The following NKAIN2 variants were observed in gnomAD, a reference collection of about 807,000 sequenced individuals.
NKAIN2 encodes sodium/potassium transporting ATPase interacting 2, also known as sodium/potassium-transporting ATPase subunit beta-1-interacting protein 2.
In NKAIN2, 14 loss-of-function variants were observed where a neutral mutation model predicts 32.6. The ratio of observed to expected loss-of-function variants is 0.43; its 90% confidence interval spans 0.28 to 0.67. NKAIN2 has a LOEUF of 0.67. NKAIN2 is among the 30% of genes least tolerant of loss of function. The pLI, the probability that NKAIN2 is intolerant of heterozygous loss-of-function variation, is 0.17. For missense variants in NKAIN2, 198 were observed against 258.3 expected (o/e 0.77, Z 1.60); for synonymous variants, 80 against 87.2 (o/e 0.92, Z 0.46).
chr6:124,535,006 G>GTTATTATGTA (rs1339132610), intron 3 of NKAIN2, among the ~76,000 whole-genome samples: 2 of 152,148 alleles, frequency 1.3e-5, no homozygotes, highest in Admixed American at 6.5e-5. Flanking sequence ...TTCTAGATAG[G>GTTATTATGTA]TTATAATACA....
At position 123,865,606 on chromosome 6, in the gene NKAIN2, C is replaced by T. The variant is rs1775950906; in HGVS notation, c.54+61352C>T. Among the ~76,000 whole-genome samples, 3 of 152,192 alleles carry T rather than the reference C, an allele frequency of 2.0e-5. No homozygotes were observed. The South Asian group carries it at 6.2e-4, about 31-fold the overall frequency. On this transcript the variant is annotated intron_variant, in intron 1 of 6. Coordinates refer to ENST00000368417, the MANE Select transcript of NKAIN2 (RefSeq NM_001040214.3). ...CTAAAATATTTCCAAATCTTTAATG[C>T]AGTTATTTCACAGCCTGCTTTTAAA...
chr6:124,644,386 A>G (rs1784093271), intron 3 of NKAIN2, among the ~76,000 whole-genome samples: 1 of 148,726 alleles, frequency 6.7e-6, no homozygotes, highest in South Asian at 2.1e-4. Flanking sequence ...AGTGTAAAAG[A>G]TTTTGTTTGT....
intron 1 of NKAIN2, among the ~76,000 whole-genome samples, chr6:124,197,702 T>A (rs1201568390): frequency 6.6e-6 from 1 of 152,152 alleles, no homozygotes; most frequent in Non-Finnish European, 1.5e-5. Context: ...GTCAAGATTT[T>A]AAAAATCTTA....
intron 3 of NKAIN2, among the ~76,000 whole-genome samples, chr6:124,638,759 T>A (rs540632088): frequency 1.3e-4 from 20 of 151,644 alleles, no homozygotes; most frequent in African/African-American, 4.8e-4. Flanking sequence ...GACGTGGTAG[T>A]GGACGCCTGT....
chr6:124,651,823 C>T (rs1422113888), intron 3 of NKAIN2, among the ~76,000 whole-genome samples: 2 of 152,142 alleles, frequency 1.3e-5, no homozygotes, highest in Non-Finnish European at 2.9e-5. Flanking sequence ...CCTTCAGAAT[C>T]ATTTTCCATT....
intron 3 of NKAIN2, among the ~76,000 whole-genome samples, chr6:124,622,006 GC>G (rs151111456): frequency 1.6e-3 from 241 of 152,240 alleles, no homozygotes; most frequent in Non-Finnish European, 2.7e-3. Flanking sequence ...AATTTTCTGT[GC>G]CTGCTATAAC....
At chr6:124,162,995 T>C (rs1788351707) in intron 1 of NKAIN2, among the ~76,000 whole-genome samples, 1 of 152,086 alleles carries the variant, frequency 6.6e-6, no homozygotes, top group Non-Finnish European at 1.5e-5. Flanking sequence ...AATGTTCTTA[T>C]TTTCTGATTC....
chr6:124,266,396 G>C (rs1322051475), intron 1 of NKAIN2, among the ~76,000 whole-genome samples: 1 of 152,030 alleles, frequency 6.6e-6, no homozygotes, highest in Non-Finnish European at 1.5e-5. Context: ...TCCCACCTGA[G>C]CCTCCCAAGT....
chr6:124,074,822 A>G (rs534013936), intron 1 of NKAIN2, among the ~76,000 whole-genome samples: 2 of 152,270 alleles, frequency 1.3e-5, no homozygotes, highest in South Asian at 2.1e-4. Flanking sequence ...CATACGGAAT[A>G]CGCATATTCC....
intron 1 of NKAIN2, among the ~76,000 whole-genome samples, chr6:124,166,051 C>T (rs1788523860): frequency 9.0e-6 from 1 of 111,280 alleles, no homozygotes; most frequent in Non-Finnish European, 1.8e-5. Flanking sequence ...ATGGCTGGGT[C>T]AAATGGTATT....
chr6:123,879,422 T>C (rs1280711611), intron 1 of NKAIN2, among the ~76,000 whole-genome samples: 1 of 152,204 alleles, frequency 6.6e-6, no homozygotes, highest in Non-Finnish European at 1.5e-5. Context: ...GCTAAGTTGC[T>C]ATAACAAAGA....
intron 3 of NKAIN2, among the ~76,000 whole-genome samples, chr6:124,553,034 G>T (rs1473303745): frequency 1.3e-5 from 2 of 152,068 alleles, no homozygotes; most frequent in African/African-American, 4.8e-5. Context: ...CTTTCCTATG[G>T]AATTTGTTTA....
intron 3 of NKAIN2, among the ~76,000 whole-genome samples, chr6:124,621,059 C>T (rs1454176526): frequency 6.6e-6 from 1 of 152,136 alleles, no homozygotes; most frequent in Non-Finnish European, 1.5e-5. Context: ...ATTGGAATCA[C>T]CTGGGGACCT....
chr6:123,857,105 C>T (rs1326204273), intron 1 of NKAIN2, among the ~76,000 whole-genome samples: 1 of 152,000 alleles, frequency 6.6e-6, no homozygotes, highest in Non-Finnish European at 1.5e-5. Context: ...CTTTAACAGT[C>T]TGGGAAAGCT....
intron 1 of NKAIN2, among the ~76,000 whole-genome samples, chr6:123,868,063 T>C (rs1213931599): frequency 1.3e-5 from 2 of 152,072 alleles, no homozygotes; most frequent in Non-Finnish European, 2.9e-5. Flanking sequence ...AGAGACAGGG[T>C]TTCACTGTGT....
At chr6:124,740,407 GGA>G (rs1373938274) in intron 4 of NKAIN2, among the ~76,000 whole-genome samples, 2 of 149,670 alleles carry the variant, frequency 1.3e-5, no homozygotes, top group Non-Finnish European at 3.0e-5. Context: ...TTTCAGCGAA[GGA>G]GACAGAAGAT....
chr6:123,804,306 G>A (rs759167257), intron 1 of NKAIN2, 52 bp downstream of exon 1: 1 of 1,433,748 alleles, frequency 7.0e-7, no homozygotes, highest in Admixed American at 1.7e-5. Context: ...GAGATAGTGG[G>A]CAGGGGAGTG....
At chr6:124,604,969 A>T (rs557273307) in intron 3 of NKAIN2, among the ~76,000 whole-genome samples, 1 of 152,188 alleles carries the variant, frequency 6.6e-6, no homozygotes, top group East Asian at 1.9e-4. Context: ...ATATTTGTCA[A>T]ATAAATGAAC....
intron 1 of NKAIN2, among the ~76,000 whole-genome samples, chr6:124,043,984 A>G (rs575711132): frequency 1.6e-4 from 25 of 152,230 alleles, no homozygotes; most frequent in Non-Finnish European, 3.4e-4. Flanking sequence ...ATTATCATGT[A>G]GACAAGTATT....
Sources: gnomAD v4.1 joint callset for allele counts (sites outside exome capture counted in the v4.1 genomes callset) on GRCh38, gnomAD v4.1.1 for gene constraint, MANE v1.5 for transcripts, NCBI Gene and HGNC (gene_info 2026-07-23, HGNC 2026-07-21) for gene names.